The following ADAMTSL3 variants were observed in gnomAD, a reference collection of about 807,000 sequenced individuals.
ADAMTSL3 encodes ADAMTS like 3, also known as ADAMTS-like protein 3.
In ADAMTSL3, 128 loss-of-function variants were observed where a neutral mutation model predicts 201.7. The ratio of observed to expected loss-of-function variants is 0.63; its 90% CI spans 0.55 to 0.73. ADAMTSL3 has a LOEUF of 0.73. ADAMTSL3 is among the 30% of genes least tolerant of loss of function. The probability of loss-of-function intolerance (pLI) is 0.00; values close to 1 mark genes in which losing one functional copy is unlikely to be tolerated. For missense variants in ADAMTSL3, 1,990 were observed against 2,119.6 expected, an observed-to-expected ratio of 0.94 and a Z score of 1.20; for synonymous variants, 738 against 748.4, an observed-to-expected ratio of 0.99 and a Z score of 0.23.
rs896915890 is a variant in ADAMTSL3, at chr15:83,829,102, T to C, written c.601-8987T>C. On this transcript the variant is annotated intron_variant, in intron 6 of 29. Coordinates refer to ENST00000286744, the MANE Select transcript of ADAMTSL3 (RefSeq NM_207517.3). ...ATTGGAATAGTTTCAGAAGGAATGG[T>C]ACCAGCTCCTCCTTGTACCTCTGGA... Among the ~76,000 whole-genome samples, 4 of 152,234 alleles carry C rather than the reference T, an allele frequency of 2.6e-5. No individual in the cohort carries two copies. The South Asian group carries it at 8.3e-4, about 32-fold the overall frequency.
At chr15:83,884,784 A>G (rs968145441) in intron 9 of ADAMTSL3, among the ~76,000 whole-genome samples, 7 of 152,204 alleles carry the variant, frequency 4.6e-5, no homozygotes, top group African/African-American at 9.7e-5. Flanking sequence ...TTAAAATCCA[A>G]TGTTTCAGGA....
chr15:83,874,553 A>G (rs992229693), intron 9 of ADAMTSL3, among the ~76,000 whole-genome samples: 1 of 143,390 alleles, frequency 7.0e-6, no homozygotes, highest in African/African-American at 2.7e-5. Flanking sequence ...TTGTTCAGAA[A>G]AGGCCCAGTT....
At chr15:83,700,838 T>C (rs1270178474) in intron 2 of ADAMTSL3, among the ~76,000 whole-genome samples, 1 of 152,190 alleles carries the variant, frequency 6.6e-6, no homozygotes, top group Non-Finnish European at 1.5e-5. Flanking sequence ...GTGCTAAATC[T>C]CTCACATAAA....
intron 17 of ADAMTSL3, among the ~76,000 whole-genome samples, chr15:83,936,596 A>G (rs1034216259): frequency 2.6e-5 from 4 of 151,000 alleles, no homozygotes; most frequent in African/African-American, 9.9e-5. Flanking sequence ...TTCTATACAT[A>G]GGACCTGGCA....
intron 2 of ADAMTSL3, among the ~76,000 whole-genome samples, chr15:83,694,832 AG>A (rs2061658210): frequency 6.6e-6 from 1 of 152,364 alleles, no homozygotes; most frequent in Admixed American, 6.5e-5. Flanking sequence ...TAGTTACTGA[AG>A]GTCTTCCATG....
chr15:83,907,204 C>T (rs1470992534), intron 15 of ADAMTSL3, among the ~76,000 whole-genome samples: 1 of 151,392 alleles, frequency 6.6e-6, no homozygotes, highest in African/African-American at 2.4e-5. Context: ...TAAATGTTTC[C>T]TTGTTTCTGA....
intron 2 of ADAMTSL3, among the ~76,000 whole-genome samples, chr15:83,688,753 T>TACACACACACACACAC (rs371646287): frequency 6.1e-5 from 9 of 147,648 alleles, no homozygotes; most frequent in South Asian, 2.1e-4. Flanking sequence ...CATGCATATA[T>TACACACACACACACAC]ATACACACAC....
chr15:83,943,561 A>G (rs958540544), intron 19 of ADAMTSL3, among the ~76,000 whole-genome samples: 1 of 152,222 alleles, frequency 6.6e-6, no homozygotes, highest in African/African-American at 2.4e-5. Flanking sequence ...GTAGAATTCT[A>G]GTAGATCGTT....
At chr15:83,849,637 T>C (rs1453626156) in intron 7 of ADAMTSL3, among the ~76,000 whole-genome samples, 1 of 152,150 alleles carries the variant, frequency 6.6e-6, no homozygotes, top group African/African-American at 2.4e-5. Context: ...TATCATCGCC[T>C]CCAGCTCCAG....
At chr15:83,977,421 G>A (rs2067306381) in intron 20 of ADAMTSL3, among the ~76,000 whole-genome samples, 1 of 152,176 alleles carries the variant, frequency 6.6e-6, no homozygotes, top group African/African-American at 2.4e-5. Context: ...TCCAGAAAGA[G>A]ATCTAGGCTA....
rs181914721 is a variant in ADAMTSL3, at chr15:83,819,856, G to A, written c.409G>A (p.Ala137Thr). 1.1e-4 allele frequency: 173 copies of A among 1,614,062 alleles called. No homozygotes were observed. The East Asian group carries it at 3.7e-3, about 34-fold the overall frequency. ...AEDFRAQQCS[A>T]YNDVQYQGHY... Reference sequence around the variant, plus strand: ...AGATTTCAGAGCCCAGCAGTGCTCAGCCTACAATGATGTCCAGTATCAGGG... The same window carrying A: ...AGATTTCAGAGCCCAGCAGTGCTCAACCTACAATGATGTCCAGTATCAGGG... The change falls in exon 6 of 30, where the codon GCC becomes ACC. Residue 137 changes from alanine (A) to threonine (T), a missense_variant. Coordinates refer to ENST00000286744, the MANE Select transcript of ADAMTSL3 (RefSeq NM_207517.3).
chr15:83,714,785 T>TCC (rs2061981620), intron 3 of ADAMTSL3, among the ~76,000 whole-genome samples: 2 of 101,322 alleles, frequency 2.0e-5, no homozygotes, highest in Non-Finnish European at 2.2e-5. Flanking sequence ...CTTTCTTTCT[T>TCC]TTTCTTTCTC....
chr15:83,708,059 C>T (rs1433538858), intron 3 of ADAMTSL3, among the ~76,000 whole-genome samples: 1 of 152,150 alleles, frequency 6.6e-6, no homozygotes, highest in Non-Finnish European at 1.5e-5. Context: ...GAGTGGCTGC[C>T]AGGGCAGAAC....
chr15:83,696,615 G>C (rs116485508), intron 2 of ADAMTSL3, among the ~76,000 whole-genome samples: 1 of 151,410 alleles, frequency 6.6e-6, no homozygotes, highest in African/African-American at 2.4e-5. Flanking sequence ...TGAAGCGTCT[G>C]AGAGTGTATT....
chr15:83,855,524 T>C (rs963672435), intron 7 of ADAMTSL3, among the ~76,000 whole-genome samples: 4 of 152,124 alleles, frequency 2.6e-5, no homozygotes, highest in African/African-American at 9.7e-5. Flanking sequence ...AATTGGGCAT[T>C]GAAGGAGCTC....
intron 4 of ADAMTSL3, among the ~76,000 whole-genome samples, chr15:83,795,260 G>GCAA (rs1166272386): frequency 9.7e-5 from 9 of 92,810 alleles, no homozygotes; most frequent in East Asian, 4.9e-4. Context: ...AACAACAGCA[G>GCAA]CAGCAACAAC....
intron 3 of ADAMTSL3, among the ~76,000 whole-genome samples, chr15:83,717,234 A>G (rs1040776231): frequency 3.3e-5 from 5 of 152,226 alleles, no homozygotes; most frequent in African/African-American, 1.2e-4. Flanking sequence ...TGCTGGGTGT[A>G]TGATACTGTG....
chr15:83,936,491 A>G (rs1416979047), intron 17 of ADAMTSL3, among the ~76,000 whole-genome samples: 1 of 150,984 alleles, frequency 6.6e-6, no homozygotes, highest in Non-Finnish European at 1.5e-5. Context: ...ATCTTGATCA[A>G]TAAAAGGATA....
chr15:83,665,189 A>G (rs1343518205), intron 2 of ADAMTSL3, among the ~76,000 whole-genome samples: 1 of 152,178 alleles, frequency 6.6e-6, no homozygotes, highest in African/African-American at 2.4e-5. Flanking sequence ...GAAGGAGTGG[A>G]ACTTGGTAAG....
Sources: allele counts gnomAD v4.1 joint callset (sites outside exome capture counted in the v4.1 genomes callset), GRCh38; gene constraint gnomAD v4.1.1; transcripts MANE v1.5; gene names NCBI Gene and HGNC (gene_info 2026-07-23, HGNC 2026-07-21).